The following METTL16 variants were observed in gnomAD, a reference collection of about 807,000 sequenced individuals.
METTL16 encodes the protein RNA N(6)-adenosine-methyltransferase METTL16.
Under a neutral mutation model 57.9 loss-of-function variants are expected in METTL16, and 19 were observed. The observed-to-expected ratio is 0.33, with a 90% confidence interval of 0.23 to 0.48. The LOEUF (loss-of-function observed/expected upper bound fraction) is 0.48. Among genes scored for constraint, METTL16 ranks in the 20% least tolerant of loss-of-function variants. The pLI is 0.99. For synonymous variants in METTL16, 246 were observed against 255.6 expected (o/e 0.96, Z 0.36); for missense variants, 434 against 691.5 (o/e 0.63, Z 4.18).
chr17:2,467,335 G>A (rs551946237), intron 5 of METTL16, among the ~76,000 whole-genome samples: 16 of 152,258 alleles, frequency 1.1e-4, no homozygotes, highest in African/African-American at 3.6e-4. Flanking sequence ...GCAACACAGC[G>A]AGACCTCATC....
intron 8 of METTL16, chr17:2,424,112 ATTATTTTAT>A (rs2066791403): frequency 6.7e-5 from 1 of 14,996 alleles, no homozygotes; most frequent in African/African-American, 2.8e-4. Context: ...ATTTTATTTT[ATTATTTTAT>A]TTTTTTTTTT....
intron 1 of METTL16, among the ~76,000 whole-genome samples, chr17:2,505,502 G>A (rs1007101863): frequency 2.9e-5 from 4 of 137,980 alleles, no homozygotes; most frequent in Admixed American, 1.6e-4. Flanking sequence ...TGCCACCTCA[G>A]CCTCCCAAAG....
chr17:2,481,521 A>G (rs1219864105), intron 2 of METTL16, among the ~76,000 whole-genome samples: 2 of 152,210 alleles, frequency 1.3e-5, no homozygotes, highest in Non-Finnish European at 1.5e-5. Context: ...GAGAGTGGCC[A>G]TGGTTGTACA....
At chr17:2,432,442 G>A (rs1434493110) in intron 8 of METTL16, among the ~76,000 whole-genome samples, 3 of 152,216 alleles carry the variant, frequency 2.0e-5, no homozygotes, top group African/African-American at 7.2e-5. Context: ...GGTGGCACAT[G>A]CCTGTAGGCG....
intron 2 of METTL16, among the ~76,000 whole-genome samples, chr17:2,479,015 A>G (rs922925459): frequency 2.0e-5 from 3 of 152,216 alleles, no homozygotes; most frequent in African/African-American, 7.2e-5. Context: ...GGAATGGATC[A>G]TAAGATATAT....
intron 3 of METTL16, among the ~76,000 whole-genome samples, chr17:2,474,939 T>G (rs971704120): frequency 6.6e-6 from 1 of 151,926 alleles, no homozygotes; most frequent in Non-Finnish European, 1.5e-5. Context: ...CTTACAATAT[T>G]GACTATCTTG....
chr17:2,454,560 A>ATTTT (rs1476498879), intron 6 of METTL16, among the ~76,000 whole-genome samples: 32 of 139,018 alleles, frequency 2.3e-4, no homozygotes, highest in African/African-American at 7.4e-4. Context: ...TATTATTATT[A>ATTTT]TTATTTTTTT....
intron 4 of METTL16, among the ~76,000 whole-genome samples, chr17:2,469,441 C>G (rs2067222785): frequency 6.6e-6 from 1 of 152,086 alleles, no homozygotes; most frequent in Admixed American, 6.6e-5. Context: ...ATTAACACTG[C>G]TTTATACACA....
rs2066724194 is a variant in METTL16, at chr17:2,417,084, T to TTTTTTTTTTC, written c.*2885_*2886insGAAAAAAAAA. The stretch of plus-strand genomic sequence containing the variant: ...TTTTTTTTTTTTTTTTTTTTTTTTT[T>TTTTTTTTTTC]TGAGACAGTCCCACTTTGTCGCCCA... On this transcript the variant is annotated 3_prime_UTR_variant, in exon 10 of 10. Transcript: ENST00000263092. 7.2e-6 allele frequency: 1 copy of TTTTTTTTTTC among 139,832 alleles called. No homozygotes were observed. Among genetic ancestry groups the TTTTTTTTTTC allele is most frequent in the Non-Finnish European group, 1.5e-5 (1 of 65,722 alleles). 8.7% of individuals were successfully genotyped at this position (139,832 alleles called of 1,614,324 possible). A position where few individuals can be genotyped will look rare whatever the true frequency, so the allele number is the denominator to read the frequency against.
chr17:2,471,320 C>A (rs780325875), intron 4 of METTL16, among the ~76,000 whole-genome samples: 3 of 152,110 alleles, frequency 2.0e-5, no homozygotes, highest in Non-Finnish European at 4.4e-5. Context: ...TACATGCATG[C>A]GCCACCACGC....
chr17:2,496,463 C>T (rs1052320244), intron 2 of METTL16, among the ~76,000 whole-genome samples: 1 of 151,484 alleles, frequency 6.6e-6, no homozygotes, highest in Non-Finnish European at 1.5e-5. Flanking sequence ...TATACCCTGT[C>T]AAACATGTTT....
chr17:2,457,646 G>T (rs2067121229), intron 6 of METTL16, among the ~76,000 whole-genome samples: 2 of 151,572 alleles, frequency 1.3e-5, no homozygotes, highest in South Asian at 4.2e-4. Flanking sequence ...AGACGGCGGA[G>T]GTTGCGGTGA....
At chr17:2,437,446 C>T (rs1001652773) in intron 8 of METTL16, among the ~76,000 whole-genome samples, 3 of 152,166 alleles carry the variant, frequency 2.0e-5, no homozygotes, top group African/African-American at 4.8e-5. Flanking sequence ...AGAAAGAGAC[C>T]TCATTTTCAA....
chr17:2,507,237 C>G (rs1166560105), intron 1 of METTL16, among the ~76,000 whole-genome samples: 1 of 138,424 alleles, frequency 7.2e-6, no homozygotes, highest in Non-Finnish European at 1.6e-5. Context: ...CCGCCCCGAC[C>G]GGGAGGTGAG....
At chr17:2,432,259 CT>C (rs2066878813) in intron 8 of METTL16, among the ~76,000 whole-genome samples, 1 of 152,068 alleles carries the variant, frequency 6.6e-6, no homozygotes, top group South Asian at 2.1e-4. Context: ...TTAAATGTGA[CT>C]CAATGTTAAA....
At chr17:2,440,970 C>CAAAAAAA (rs760521188) in intron 7 of METTL16, among the ~76,000 whole-genome samples, 41 of 34,010 alleles carry the variant, frequency 1.2e-3, no homozygotes, top group Non-Finnish European at 1.8e-3. Flanking sequence ...GACTTGATCT[C>CAAAAAAA]AAAAAAAAAA....
chr17:2,475,830 C>T (rs1031522085), intron 3 of METTL16, among the ~76,000 whole-genome samples: 2 of 152,048 alleles, frequency 1.3e-5, no homozygotes, highest in African/African-American at 2.4e-5. Flanking sequence ...TAGGTAGTGC[C>T]CCTTGTGAAG....
intron 7 of METTL16, among the ~76,000 whole-genome samples, chr17:2,441,241 G>T (rs1386838722): frequency 6.6e-6 from 1 of 152,144 alleles, no homozygotes; most frequent in Non-Finnish European, 1.5e-5. Flanking sequence ...GTTAAATAAT[G>T]TGTACACATG....
At chr17:2,485,048 C>A (rs1004471548) in intron 2 of METTL16, among the ~76,000 whole-genome samples, 1 of 152,120 alleles carries the variant, frequency 6.6e-6, no homozygotes. Context: ...GGACTTGTGC[C>A]GCACAGCAGG....
Sources: gnomAD v4.1 joint callset for allele counts (sites outside exome capture counted in the v4.1 genomes callset) on GRCh38, gnomAD v4.1.1 for gene constraint, MANE v1.5 for transcripts, NCBI Gene and HGNC (gene_info 2026-07-23, HGNC 2026-07-21) for gene names.